The following GLRX3 variants were observed in gnomAD, a reference collection of about 807,000 sequenced individuals.
GLRX3 encodes glutaredoxin 3.
In GLRX3, 22 loss-of-function variants were observed where a neutral mutation model predicts 49.5. The observed-to-expected ratio is 0.44, with a 90% CI of 0.32 to 0.63. GLRX3 has a LOEUF of 0.63. GLRX3 is among the 30% of genes least tolerant of loss of function. GLRX3 has a pLI of 0.05. For synonymous variants in GLRX3, 133 were observed against 140.0 expected (o/e 0.95, Z 0.35); for missense variants, 385 against 396.3 (o/e 0.97, Z 0.24).
At chr10:130,148,947 A>G (rs1169671269) in intron 2 of GLRX3, among the ~76,000 whole-genome samples, 1 of 152,116 alleles carries the variant, frequency 6.6e-6, no homozygotes, top group African/African-American at 2.4e-5. Context: ...TGCCCCAGCT[A>G]CTTGGGAGGC....
At chr10:130,137,043 C>T (rs1229430198) in intron 1 of GLRX3, among the ~76,000 whole-genome samples, 3 of 152,258 alleles carry the variant, frequency 2.0e-5, no homozygotes, top group Non-Finnish European at 4.4e-5. Context: ...GCAGGAAGAG[C>T]GGCGAGGGAA....
chr10:130,171,547 C>T lies in GLRX3; in HGVS notation c.772-37C>T, dbSNP rs376326884. 5.8e-5 allele frequency: 70 copies of T among 1,202,928 alleles called. No homozygotes were observed. The African/African-American group carries it at 9.8e-4, about 17-fold the overall frequency. The allele number at this position is 1,202,928 out of a possible 1,614,324, so 74.5% of individuals were successfully genotyped here. A position where few individuals can be genotyped will look rare whatever the true frequency, so the allele number is the denominator to read the frequency against. ...GTACAACCATGCTGCTTGGGTCATA[C>T]AAAAATTGTAATCTTTGCAAATTTT... On this transcript the variant is annotated intron_variant, in intron 7 of 10. Coordinates refer to ENST00000331244, the MANE Select transcript of GLRX3 (RefSeq NM_006541.5).
intron 2 of GLRX3, among the ~76,000 whole-genome samples, chr10:130,159,468 T>C (rs1440560093): frequency 6.6e-6 from 1 of 152,206 alleles, no homozygotes; most frequent in Non-Finnish European, 1.5e-5. Flanking sequence ...CCAGCAGCCT[T>C]GCAGGAGTTA....
At chr10:130,161,357 T>C (rs1163347993) in intron 4 of GLRX3, among the ~76,000 whole-genome samples, 2 of 152,220 alleles carry the variant, frequency 1.3e-5, no homozygotes, top group African/African-American at 2.4e-5. Context: ...CCTGTTTATC[T>C]ACTTTTGCTG....
rs764912895 is a variant in GLRX3 at position 130,160,218 on chromosome 10, C to T, written c.276+149C>T. The T allele has an allele frequency of 3.5e-4, 209 of 605,292 alleles. 1 individual carries two copies. Among genetic ancestry groups the T allele is most frequent in the Non-Finnish European group, 8.1e-5 (27 of 334,766 alleles). 37.5% of individuals were successfully genotyped at this position (605,292 alleles called of 1,614,324 possible). ...CTTTCTTCTGATAGTCTCATTTTTGCACCGATGCTGAGAAAGAAGACCATG... is the reference window on the plus strand; with the variant it reads ...CTTTCTTCTGATAGTCTCATTTTTGTACCGATGCTGAGAAAGAAGACCATG... On this transcript the variant is annotated intron_variant, in intron 3 of 10. Transcript: ENST00000331244.
chr10:130,148,426 C>A (rs948011535), intron 2 of GLRX3, among the ~76,000 whole-genome samples: 1 of 132,972 alleles, frequency 7.5e-6, no homozygotes, highest in African/African-American at 2.9e-5. Context: ...CCACTTTGCC[C>A]TTCAGTCTTT....
At chr10:130,155,713 T>C (rs561615155) in intron 2 of GLRX3, among the ~76,000 whole-genome samples, 1 of 151,834 alleles carries the variant, frequency 6.6e-6, no homozygotes, top group Non-Finnish European at 1.5e-5. Flanking sequence ...TGGGAAGAAG[T>C]TGGGAGTTGT....
At chr10:130,151,963 T>G (rs1862385232) in intron 2 of GLRX3, among the ~76,000 whole-genome samples, 1 of 152,182 alleles carries the variant, frequency 6.6e-6, no homozygotes, top group African/African-American at 2.4e-5. Flanking sequence ...GCTGTGTCTT[T>G]TAGTCTTTTA....
Position 130,160,992 on chromosome 10 carries a change from GC to G in GLRX3, c.474del (p.Cys159ValfsTer52). 6.2e-7 allele frequency: 1 copy of G among 1,609,818 alleles called. No homozygotes were observed. The highest frequency in any genetic ancestry group is 8.5e-7 in the Non-Finnish European group (1 of 1,177,080). On this transcript the variant is annotated frameshift_variant, in exon 4 of 11. Transcript: ENST00000331244. LOFTEE classifies it high-confidence loss of function. Reference sequence around the variant, plus strand: ...ATGAAAGGAACTCCTCAAGAACCACGCTGTGGTAAGAAGCTGCCTTTAACAT... The same window carrying G: ...ATGAAAGGAACTCCTCAAGAACCACGTGTGGTAAGAAGCTGCCTTTAACAT... ...LFMKGTPQEP[R>X]CGFSKQMVEI...
intron 2 of GLRX3, among the ~76,000 whole-genome samples, chr10:130,151,922 C>T (rs749669496): frequency 4.1e-4 from 63 of 152,218 alleles, no homozygotes; most frequent in African/African-American, 1.1e-3. Context: ...TACAGCACAC[C>T]GATGGGTCTT....
chr10:130,156,597 T>C (rs1862475262), intron 2 of GLRX3, among the ~76,000 whole-genome samples: 1 of 152,208 alleles, frequency 6.6e-6, no homozygotes, highest in African/African-American at 2.4e-5. Context: ...TAAGTGAGTC[T>C]ATACGTGAAG....
At position 130,138,075 on chromosome 10, in the gene GLRX3, C is replaced by G. The variant is rs190537075; in HGVS notation, c.92+1563C>G. On this transcript the variant is annotated intron_variant, in intron 1 of 10. Transcript: ENST00000331244. ...ATCTAAATTTTGTTTTGTTTGTTTT[C>G]GAGACAGGCTGTTGCTCTGTTGCCC... 2.4e-3 allele frequency among the ~76,000 whole-genome samples: 359 copies of G among 151,924 alleles called. 1 individual carries two copies. Among genetic ancestry groups the G allele is most frequent in the Non-Finnish European group, 2.9e-3 (195 of 67,944 alleles).
At chr10:130,150,197 A>G (rs1215407689) in intron 2 of GLRX3, among the ~76,000 whole-genome samples, 8 of 148,544 alleles carry the variant, frequency 5.4e-5, no homozygotes, top group African/African-American at 2.0e-4. Context: ...TTGAGACCAC[A>G]CCACTGCATT....
intron 7 of GLRX3, among the ~76,000 whole-genome samples, chr10:130,170,158 T>G (rs192459343): frequency 6.6e-6 from 1 of 152,364 alleles, no homozygotes; most frequent in East Asian, 1.9e-4. Context: ...TTTGTAATTT[T>G]CATAGCAATT....
At position 130,166,557 on chromosome 10, in the gene GLRX3, A is replaced by G. The variant is rs1350022224; in HGVS notation, c.529A>G (p.Ser177Gly). ...EILHKHNIQF[S>G]SFDIFSDEEV... ...TCTTCACAAACATAATATTCAGTTT[A>G]GCAGTTTTGATATCTTCTCAGATGA... is the stretch of plus-strand genomic sequence containing the variant. Residue 177 changes from serine (S) to glycine (G), a missense_variant, in exon 5 of 11, where the codon AGC becomes GGC. Ser to Gly is a moderately conservative substitution (Grantham distance 56). This residue lies in a region of GLRX3 where 374 missense variants were observed against 358.6 expected (regional missense o/e 1.04). Coordinates refer to ENST00000331244, the MANE Select transcript of GLRX3 (RefSeq NM_006541.5). 6.2e-7 allele frequency: 1 copy of G among 1,612,744 alleles called. No individual in the cohort carries two copies. The highest frequency in any genetic ancestry group is 1.3e-5 in the African/African-American group (1 of 74,906).
chr10:130,173,491 T>C (rs1166106362), intron 8 of GLRX3, among the ~76,000 whole-genome samples: 1 of 152,240 alleles, frequency 6.6e-6, no homozygotes, highest in African/African-American at 2.4e-5. Context: ...TCATTTCTTA[T>C]CTTTTCCTTT....
chr10:130,163,392 A>G (rs958432134), intron 4 of GLRX3, among the ~76,000 whole-genome samples: 2 of 152,236 alleles, frequency 1.3e-5, no homozygotes, highest in African/African-American at 4.8e-5. Flanking sequence ...ACTGCACTCC[A>G]GTATGGGTGA....
intron 2 of GLRX3, among the ~76,000 whole-genome samples, chr10:130,156,109 C>T (rs552841995): frequency 6.6e-6 from 1 of 152,248 alleles, no homozygotes; most frequent in African/African-American, 2.4e-5. Context: ...AACAGAATAC[C>T]TTAGACTGAG....
chr10:130,151,670 CTTCATCCATGTCCCTGT>C (rs1862379574), intron 2 of GLRX3, among the ~76,000 whole-genome samples: 2 of 152,146 alleles, frequency 1.3e-5, no homozygotes, highest in Non-Finnish European at 2.9e-5. Flanking sequence ...TGGTTTCCAG[CTTCATCCATGTCCCTGT>C]AAAGGACATG....
Sources: allele counts gnomAD v4.1 joint callset (sites outside exome capture counted in the v4.1 genomes callset), GRCh38; gene constraint gnomAD v4.1.1; regional missense constraint gnomAD v4.1.1; transcripts MANE v1.5; gene names NCBI Gene and HGNC (gene_info 2026-07-23, HGNC 2026-07-21).